MKNK2: variants seen among roughly 807,000 people sequenced by gnomAD.
MKNK2 encodes MAP kinase-interacting serine/threonine-protein kinase 2.
In MKNK2, 54 loss-of-function variants were observed where a neutral mutation model predicts 55.0. The ratio of observed to expected loss-of-function variants is 0.98; its 90% CI spans 0.79 to 1.23. MKNK2 has a LOEUF of 1.23. MKNK2 is among the 50% of genes most tolerant of loss of function. The pLI is 0.00. For synonymous variants in MKNK2, 323 were observed against 256.0 expected, an observed-to-expected ratio of 1.26 and a Z score of -2.50; for missense variants, 685 against 632.1, an observed-to-expected ratio of 1.08 and a Z score of -0.90.
rs909285044 is a variant in MKNK2 at position 2,038,301 on chromosome 19, G to A, written c.*1312C>T. ...AAACAGGAGGAAGAATCCCGACCGC[G>A]GATTTAGAAGCCAGAGGGGCTGCCC... On this transcript the variant is annotated 3_prime_UTR_variant, in exon 14 of 14. Transcript: ENST00000250896. The A allele has an allele frequency of 6.4e-5, 63 of 986,602 alleles. 1 individual carries two copies. Among genetic ancestry groups the A allele is most frequent in the Non-Finnish European group, 7.2e-5 (60 of 830,550 alleles). 61.1% of individuals were successfully genotyped at this position (986,602 alleles called of 1,614,324 possible). A position where few individuals can be genotyped will look rare whatever the true frequency, so the allele number is the denominator to read the frequency against.
In MKNK2 at chr19:2,038,994, G is replaced by T. The variant is rs1236309926; in HGVS notation, c.*619C>A. On this transcript the variant is annotated 3_prime_UTR_variant, in exon 14 of 14. Coordinates refer to ENST00000250896, the MANE Select transcript of MKNK2 (RefSeq NM_199054.3). ...GTCAACTATCATGGGGACAAGGCAG[G>T]CGCGGGTGAAGGGCTGGGGGATCCC... The T allele has an allele frequency of 1.0e-6, 1 of 986,116 alleles. No homozygotes were observed. Among genetic ancestry groups the T allele is most frequent in the African/African-American group, 1.7e-5 (1 of 57,216 alleles). 61.1% of individuals were successfully genotyped at this position (986,116 alleles called of 1,614,324 possible). A position where few individuals can be genotyped will look rare whatever the true frequency, so the allele number is the denominator to read the frequency against.
chr19:2,041,306 G>A, intron 11 of MKNK2, 102 bp from the exon 12 acceptor site: 3 of 1,280,254 alleles, frequency 2.3e-6, no homozygotes, highest in South Asian at 1.4e-5. Context: ...CCTAGACCAG[G>A]CCCTAGACCA....
In MKNK2 at chr19:2,051,168, G is replaced by T; in HGVS notation, c.-169C>A. 2 of 158,458 alleles carry T rather than the reference G, an allele frequency of 1.3e-5. No homozygotes were observed. Among genetic ancestry groups the T allele is most frequent in the South Asian group, 3.5e-4 (2 of 5,702 alleles). The allele number at this position is 158,458 out of a possible 1,614,324, so 9.8% of individuals were successfully genotyped here. ...CGCGCAGCCCGGACCCCGCTCCGCG[G>T]ACCGCGCGGGGAACAGCGCCGCCGC... On this transcript the variant is annotated 5_prime_UTR_variant, in exon 1 of 14. Transcript: ENST00000250896.
chr19:2,042,346 T>C (rs899313516), intron 10 of MKNK2, 81 bp downstream of exon 10: 2 of 1,281,096 alleles, frequency 1.6e-6, no homozygotes, highest in Non-Finnish European at 2.2e-6. Context: ...GGCCTGGAGC[T>C]GCTGGATGGC....
Position 2,037,886 on chromosome 19 carries a change from A to T in MKNK2, c.*1727T>A. On this transcript the variant is annotated 3_prime_UTR_variant, in exon 14 of 14. Coordinates refer to ENST00000250896, the MANE Select transcript of MKNK2 (RefSeq NM_199054.3). ...AACGCTGCTAGCCACTCAGCTTTAGAGACCCGATGGCTATGGGCGCCTGCA... is the reference window on the plus strand; with the variant it reads ...AACGCTGCTAGCCACTCAGCTTTAGTGACCCGATGGCTATGGGCGCCTGCA... 6.6e-7 allele frequency: 1 copy of T among 1,511,504 alleles called. No homozygotes were observed. Among genetic ancestry groups the T allele is most frequent in the Non-Finnish European group, 8.9e-7 (1 of 1,118,052 alleles). 93.6% of individuals were successfully genotyped at this position (1,511,504 alleles called of 1,614,324 possible). A position where few individuals can be genotyped will look rare whatever the true frequency, so the allele number is the denominator to read the frequency against.
intron 12 of MKNK2, 135 bp downstream of exon 12, chr19:2,040,905 G>C (rs1568235431): frequency 6.7e-6 from 6 of 892,430 alleles, no homozygotes; most frequent in Non-Finnish European, 1.0e-5. Context: ...CTCATCCCAG[G>C]GCAGAGCCTG....
rs2016775263 is a variant in MKNK2, at chr19:2,037,637, T to G, written c.*1976A>C. The G allele has an allele frequency of 2.2e-6, 2 of 914,312 alleles. No homozygotes were observed. The highest frequency in any genetic ancestry group is 1.7e-5 in the African/African-American group (1 of 57,770). 56.6% of individuals were successfully genotyped at this position (914,312 alleles called of 1,614,324 possible). ...CTTTAAAAAAACTTTTGAGGTTTTT[T>G]TTTTTTTTTTGTCTTTTAAAAACAT... is the stretch of plus-strand genomic sequence containing the variant. On this transcript the variant is annotated 3_prime_UTR_variant, in exon 14 of 14. Coordinates refer to ENST00000250896, the MANE Select transcript of MKNK2 (RefSeq NM_199054.3).
chr19:2,041,521 C>G (rs1367780470), intron 11 of MKNK2, among the ~76,000 whole-genome samples: 1 of 152,178 alleles, frequency 6.6e-6, no homozygotes, highest in East Asian at 1.9e-4. Context: ...GCTCTCTGAA[C>G]CCTGTCTGGG....
intron 13 of MKNK2, 92 bp downstream of exon 13, chr19:2,040,042 C>T: frequency 6.8e-7 from 1 of 1,462,916 alleles, no homozygotes. Flanking sequence ...CTCCCCGACC[C>T]CAAAGCAGTT....
At position 2,038,164 on chromosome 19, in the gene MKNK2, A is replaced by ACGGT. The variant is rs1248360413; in HGVS notation, c.*1445_*1448dup. 9.7e-6 allele frequency: 10 copies of ACGGT among 1,030,810 alleles called. No individual in the cohort carries two copies. The highest frequency in any genetic ancestry group is 5.8e-5 in the Admixed American group (1 of 17,232). The allele number at this position is 1,030,810 out of a possible 1,614,324, so 63.9% of individuals were successfully genotyped here. A position where few individuals can be genotyped will look rare whatever the true frequency, so the allele number is the denominator to read the frequency against. On this transcript the variant is annotated 3_prime_UTR_variant, in exon 14 of 14. Coordinates refer to ENST00000250896, the MANE Select transcript of MKNK2 (RefSeq NM_199054.3). ...CAGGAGGGGCAGCAGGGCCAGGCAG[A>ACGGT]CGGTCTCCGAGGCCCCCACCCCCAG...
rs1209551700 is a variant in MKNK2, at chr19:2,038,773, TG to T, written c.*839del. The T allele has an allele frequency of 4.1e-6, 4 of 985,480 alleles. No homozygotes were observed. Among genetic ancestry groups the T allele is most frequent in the Non-Finnish European group, 3.6e-6 (3 of 829,916 alleles). The allele number at this position is 985,480 out of a possible 1,614,324, so 61.0% of individuals were successfully genotyped here. A position where few individuals can be genotyped will look rare whatever the true frequency, so the allele number is the denominator to read the frequency against. Reference sequence around the variant, plus strand: ...ACCCCCCACATTGGCTGACAGTGCCTGTCCAGCCCCTCTGCCTGCTGCGGTG... The same window carrying T: ...ACCCCCCACATTGGCTGACAGTGCCTTCCAGCCCCTCTGCCTGCTGCGGTG... On this transcript the variant is annotated 3_prime_UTR_variant, in exon 14 of 14. Coordinates refer to ENST00000250896, the MANE Select transcript of MKNK2 (RefSeq NM_199054.3).
chr19:2,040,301 A>G, intron 12 of MKNK2, 124 bp from the exon 13 acceptor site: 1 of 879,864 alleles, frequency 1.1e-6, no homozygotes, highest in Admixed American at 3.1e-5. Context: ...GGAGACCAGG[A>G]GTGCACCTGG....
Position 2,046,650 on chromosome 19 carries a change from G to T in MKNK2, c.93C>A (p.Pro31=). The T allele has an allele frequency of 6.4e-7, 1 of 1,561,856 alleles. No homozygotes were observed. The change falls in exon 3 of 14, where the codon CCC becomes CCA. Residue 31 remains proline (P), a synonymous_variant. Coordinates refer to ENST00000250896, the MANE Select transcript of MKNK2 (RefSeq NM_199054.3). ...GGCCAAAGTCAGAGTCTCCGTGGTC[G>T]GGCTGGTCTAGGGAGAAGGCCAGCT... ...PFELAFSLDQ[P]DHGDSDFGLQ...
Position 2,037,546 on chromosome 19 carries a change from A to C in MKNK2, c.*2067T>G. On this transcript the variant is annotated 3_prime_UTR_variant, in exon 14 of 14. Coordinates refer to ENST00000250896, the MANE Select transcript of MKNK2 (RefSeq NM_199054.3). ...CGGCATTGACAGTTGGTGTAAAGGA[A>C]AACTTCTGAGCTCCGTCAGTTCACC... 2 of 419,432 alleles carry C rather than the reference A, an allele frequency of 4.8e-6. No individual in the cohort carries two copies. The highest frequency in any genetic ancestry group is 8.5e-6 in the Non-Finnish European group (2 of 236,644). The allele number at this position is 419,432 out of a possible 1,614,324, so 26.0% of individuals were successfully genotyped here.
At chr19:2,049,946 C>G (rs2145697085) in intron 2 of MKNK2, among the ~76,000 whole-genome samples, 1 of 152,310 alleles carries the variant, frequency 6.6e-6, no homozygotes, top group South Asian at 2.1e-4. Context: ...TACACTCACA[C>G]TCTCTCTTCC....
At chr19:2,040,090 C>T (rs1408980456) in intron 13 of MKNK2, 44 bp downstream of exon 13, 15 of 1,553,260 alleles carry the variant, frequency 9.7e-6, no homozygotes, top group South Asian at 7.0e-5. Flanking sequence ...CTGGAAACCC[C>T]GCCCCCTGGA....
At position 2,037,620 on chromosome 19, in the gene MKNK2, A is replaced by G; in HGVS notation, c.*1993T>C. On this transcript the variant is annotated 3_prime_UTR_variant, in exon 14 of 14. Coordinates refer to ENST00000250896, the MANE Select transcript of MKNK2 (RefSeq NM_199054.3). The stretch of plus-strand genomic sequence containing the variant: ...TGGATGTTTTTCCCCCACTTTAAAA[A>G]AACTTTTGAGGTTTTTTTTTTTTTT... 3 of 799,628 alleles carry G rather than the reference A, an allele frequency of 3.8e-6. No individual in the cohort carries two copies. Among genetic ancestry groups the G allele is most frequent in the Non-Finnish European group, 5.3e-6 (3 of 567,310 alleles). 49.5% of individuals were successfully genotyped at this position (799,628 alleles called of 1,614,324 possible).
In MKNK2 at chr19:2,042,605, A is replaced by T; in HGVS notation, c.654+2T>A. 6.4e-7 allele frequency: 1 copy of T among 1,567,024 alleles called. No individual in the cohort carries two copies. The highest frequency in any genetic ancestry group is 2.3e-5 in the East Asian group (1 of 42,914). On this transcript the variant is annotated splice_donor_variant, in intron 9 of 13. Coordinates refer to ENST00000250896, the MANE Select transcript of MKNK2 (RefSeq NM_199054.3). LOFTEE classifies it high-confidence loss of function. ...GGGGCCACCCTGCCGGAACTGGCCT[A>T]CCTGGTTGGGGTGCTCACAGAGGAT... is the stretch of plus-strand genomic sequence containing the variant.
chr19:2,049,193 AG>A (rs1329480422), intron 2 of MKNK2, among the ~76,000 whole-genome samples: 1 of 152,210 alleles, frequency 6.6e-6, no homozygotes, highest in Non-Finnish European at 1.5e-5. Context: ...GCCCGTGTAC[AG>A]GGGAGCCCCA....
Sources: allele counts gnomAD v4.1 joint callset (sites outside exome capture counted in the v4.1 genomes callset), GRCh38; gene constraint gnomAD v4.1.1; transcripts MANE v1.5; gene names NCBI Gene and HGNC (gene_info 2026-07-23, HGNC 2026-07-21).